The following PTBP1 variants were observed in gnomAD, a reference collection of about 807,000 sequenced individuals.
The protein encoded by PTBP1 is polypyrimidine tract binding protein 1, also known as polypyrimidine tract-binding protein 1.
A neutral mutation model predicts 59.8 loss-of-function variants in PTBP1; 8 were observed. The ratio of observed to expected loss-of-function variants is 0.13; its 90% confidence interval spans 0.08 to 0.24. The LOEUF (loss-of-function observed/expected upper bound fraction) is 0.24, where lower values mean the gene tolerates loss of function less well. Ranked by LOEUF, PTBP1 falls within the 10% of genes least tolerant of loss-of-function variation. PTBP1 has a pLI of 1.00. For missense variants in PTBP1, 686 were observed against 767.0 expected, an observed-to-expected ratio of 0.89 and a Z score of 1.25; for synonymous variants, 490 against 320.7, an observed-to-expected ratio of 1.53 and a Z score of -5.64.
At chr19:798,035 C>T (rs1030850524) in intron 1 of PTBP1, among the ~76,000 whole-genome samples, 4 of 151,122 alleles carry the variant, frequency 2.6e-5, no homozygotes, top group Non-Finnish European at 5.9e-5. Context: ...GGGCGGCCGC[C>T]GGGAGGGAAA....
At chr19:805,610 C>T (rs965139935) in intron 9 of PTBP1, 41 bp downstream of exon 9, 3 of 1,507,900 alleles carry the variant, frequency 2.0e-6, no homozygotes, top group East Asian at 2.3e-5. Flanking sequence ...CGACTGCATG[C>T]CCACACCACC....
In PTBP1 at chr19:799,277, C is replaced by T. The variant is rs545449612; in HGVS notation, c.9-136C>T. 1.9e-5 allele frequency: 16 copies of T among 825,410 alleles called. No individual in the cohort carries two copies. In the African/African-American group the frequency reaches 2.5e-4, roughly 13 times the overall value. The allele number at this position is 825,410 out of a possible 1,614,324, so 51.1% of individuals were successfully genotyped here. On this transcript the variant is annotated intron_variant, in intron 1 of 14. Coordinates refer to ENST00000356948, the MANE Select transcript of PTBP1 (RefSeq NM_002819.5). ...CCTTCTGAGCTTTCTCTAGCGGGGC[C>T]TCGTGCAGCCAGAGGGAGCCCTGCG...
rs147330037 is a variant in PTBP1 at position 808,373 on chromosome 19, C to T, written c.1167C>T (p.Asp389=). ...GGGCTTTTGAAGGCGTCTACGGTGA[C>T]GTGCAGCGCGTGAAGATCCTGTTCA... is the stretch of plus-strand genomic sequence containing the variant. ...SLFILFGVYG[D]VQRVKILFNK... Residue 389 remains aspartate (D), a synonymous_variant, in exon 12 of 15, where the codon GAC becomes GAT. Coordinates refer to ENST00000356948, the MANE Select transcript of PTBP1 (RefSeq NM_002819.5). The surrounding 1 kb of genome is among the most constrained non-coding windows in gnomAD (Gnocchi z 4.7). The T allele has an allele frequency of 7.0e-4, 1,121 of 1,601,168 alleles. 7 individuals are homozygous for T. Among genetic ancestry groups the T allele is most frequent in the Middle Eastern group, 3.4e-3 (16 of 4,692 alleles).
At chr19:805,929 G>A in intron 9 of PTBP1, 2 of 311,032 alleles carry the variant, frequency 6.4e-6, no homozygotes, top group Non-Finnish European at 1.2e-5. Flanking sequence ...AGGCTGAGCA[G>A]CATGACCGGC....
intron 2 of PTBP1, 108 bp from the exon 3 acceptor site, chr19:803,452 TG>T (rs947039593): frequency 7.7e-5 from 67 of 869,968 alleles, no homozygotes; most frequent in Non-Finnish European, 1.2e-4. Context: ...GGGTATGGGT[TG>T]GGGGTCTGGG....
Position 806,530 on chromosome 19 carries a change from T to C in PTBP1, c.1093T>C (p.Leu365=). 1.3e-6 allele frequency: 2 copies of C among 1,548,274 alleles called. No homozygotes were observed. Among genetic ancestry groups the C allele is most frequent in the Non-Finnish European group, 1.7e-6 (2 of 1,149,332 alleles). Reference sequence around the variant, plus strand: ...CCTGGCGGGGGCAGGAAATTCTGTATTGCTGGTCAGCAACCTCAACCCAGA... The same window carrying C: ...CCTGGCGGGGGCAGGAAATTCTGTACTGCTGGTCAGCAACCTCAACCCAGA... ...PGLAGAGNSV[L]LVSNLNPERV... is the part of the protein sequence containing the mutation. Residue 365 remains leucine, a synonymous_variant, in exon 10 of 15, where the codon TTG becomes CTG. Transcript: ENST00000356948.
intron 10 of PTBP1, 104 bp from the exon 11 acceptor site, chr19:807,765 C>T (rs1359440179): frequency 3.5e-6 from 3 of 861,500 alleles, no homozygotes; most frequent in Non-Finnish European, 5.8e-6. Flanking sequence ...AACCACTGCA[C>T]GCCTGCGGGG....
At chr19:803,262 G>C (rs911381600) in intron 2 of PTBP1, among the ~76,000 whole-genome samples, 4 of 152,196 alleles carry the variant, frequency 2.6e-5, no homozygotes, top group Non-Finnish European at 4.4e-5. Context: ...GTTGGCCGTG[G>C]AGATAGTGTA....
rs745600364 is a variant in PTBP1, at chr19:808,466, G to A, written c.1246+14G>A. On this transcript the variant is annotated intron_variant, in intron 12 of 14. Coordinates refer to ENST00000356948, the MANE Select transcript of PTBP1 (RefSeq NM_002819.5). The surrounding 1 kb of genome is among the most constrained non-coding windows in gnomAD (Gnocchi z 4.7). ...AGGCCCAGCTGGGTAAGAGGCCGGG[G>A]CGGCCCCGGGGTGGAGGGGGCAGGG... 4 of 1,584,306 alleles carry A rather than the reference G, an allele frequency of 2.5e-6. No individual in the cohort carries two copies. In the Admixed American group the frequency reaches 5.3e-5, roughly 21 times the overall value.
At chr19:805,285 T>C in intron 8 of PTBP1, 98 bp downstream of exon 8, 1 of 1,388,556 alleles carries the variant, frequency 7.2e-7, no homozygotes, top group South Asian at 1.3e-5. Context: ...TGCACCAGGG[T>C]GATGCACCTG....
intron 3 of PTBP1, 108 bp downstream of exon 3, chr19:803,744 A>G (rs1026586313): frequency 3.8e-6 from 4 of 1,044,018 alleles, no homozygotes; most frequent in South Asian, 2.8e-5. Context: ...GCAGGGGCCC[A>G]TGGTCCACGC....
At position 806,561 on chromosome 19, in the gene PTBP1, G is replaced by T. The variant is rs372458117; in HGVS notation, c.1119+5G>T. The T allele has an allele frequency of 6.7e-7, 1 of 1,497,290 alleles. No individual in the cohort carries two copies. Among genetic ancestry groups the T allele is most frequent in the African/African-American group, 1.5e-5 (1 of 68,248 alleles). The allele number at this position is 1,497,290 out of a possible 1,614,324, so 92.8% of individuals were successfully genotyped here. ...GTCAGCAACCTCAACCCAGAGGTAC[G>T]TGGGCTTTTCCTCCGCGCCGCCGTT... On this transcript the variant is annotated splice_donor_5th_base_variant and intron_variant, in intron 10 of 14. Transcript: ENST00000356948.
chr19:805,647 G>A, intron 9 of PTBP1, 78 bp downstream of exon 9: 3 of 1,273,148 alleles, frequency 2.4e-6, no homozygotes, highest in Non-Finnish European at 3.4e-6. Context: ...CATCCACGGC[G>A]GCAGCCTGGG....
chr19:803,472 C>A, intron 2 of PTBP1, 89 bp from the exon 3 acceptor site: 2 of 1,121,992 alleles, frequency 1.8e-6, no homozygotes, highest in Non-Finnish European at 2.7e-6. Context: ...GGACCCCAGG[C>A]AGCCCAAGTG....
chr19:810,481 G>C (rs190056755), intron 13 of PTBP1, 62 bp from the exon 14 acceptor site: 2 of 1,453,404 alleles, frequency 1.4e-6, no homozygotes, highest in African/African-American at 1.4e-5. Flanking sequence ...AAAGCCTCGC[G>C]GACCTGACTG....
intron 9 of PTBP1, chr19:806,002 C>G (rs939900746): frequency 1.5e-5 from 4 of 258,100 alleles, no homozygotes; most frequent in Admixed American, 5.2e-5. Flanking sequence ...CCGGCCGCCC[C>G]AGTGCTGGCC....
At chr19:804,247 C>T (rs1201308359) in intron 4 of PTBP1, 39 bp downstream of exon 4, 1 of 1,610,788 alleles carries the variant, frequency 6.2e-7, no homozygotes, top group Non-Finnish European at 8.5e-7. Flanking sequence ...TCACACCGTG[C>T]AGGCGGGGAC....
chr19:803,366 G>T (rs576308912), intron 2 of PTBP1, among the ~76,000 whole-genome samples, 195 bp from the exon 3 acceptor site: 2 of 152,210 alleles, frequency 1.3e-5, no homozygotes, highest in African/African-American at 2.4e-5. Context: ...TGTTTTGGTC[G>T]TGGAGCTGTG....
At chr19:802,366 C>T (rs1004844860) in intron 2 of PTBP1, among the ~76,000 whole-genome samples, 6 of 141,920 alleles carry the variant, frequency 4.2e-5, no homozygotes, top group African/African-American at 1.6e-4. Flanking sequence ...AGCGCAGGCT[C>T]GGGGAGGCCA....
Sources: gnomAD v4.1 joint callset for allele counts (sites outside exome capture counted in the v4.1 genomes callset) on GRCh38, gnomAD v4.1.1 for gene constraint, Gnocchi (gnomAD v3.1) non-coding constraint, MANE v1.5 for transcripts, NCBI Gene and HGNC (gene_info 2026-07-23, HGNC 2026-07-21) for gene names.